Variants in NTM observed in about 807,000 individuals in gnomAD.
The protein encoded by NTM is neurotrimin.
NTM carries 13 observed loss-of-function variants against 42.1 expected under a neutral mutation model. That is an observed-to-expected ratio of 0.31 (90% CI 0.20 to 0.49). The LOEUF (loss-of-function observed/expected upper bound fraction) is 0.49, where lower values mean the gene tolerates loss of function less well. Ranked by LOEUF, NTM falls within the 20% of genes least tolerant of loss-of-function variation. NTM has a pLI of 0.99. For missense variants in NTM, 373 were observed against 452.8 expected, an observed-to-expected ratio of 0.82 and a Z score of 1.60; for synonymous variants, 187 against 179.2, an observed-to-expected ratio of 1.04 and a Z score of -0.35.
At chr11:132,279,786 T>C (rs1398995361) in intron 4 of NTM, among the ~76,000 whole-genome samples, 1 of 152,198 alleles carries the variant, frequency 6.6e-6, no homozygotes, top group Non-Finnish European at 1.5e-5. Context: ...AAGATCTCTG[T>C]AGATTTGTGG....
chr11:131,371,457 T>A (rs924745596), intron 1 of NTM, among the ~76,000 whole-genome samples: 3 of 152,154 alleles, frequency 2.0e-5, no homozygotes, highest in Non-Finnish European at 4.4e-5. Flanking sequence ...TTTAAATGTG[T>A]TCGGGGGTGT....
chr11:132,081,095 A>G (rs2058977805), intron 2 of NTM, among the ~76,000 whole-genome samples: 1 of 152,240 alleles, frequency 6.6e-6, no homozygotes, highest in Non-Finnish European at 1.5e-5. Context: ...TAAATGCTGT[A>G]GTCCCTCAAA....
At chr11:131,436,598 T>TA (rs1197969696) in intron 1 of NTM, among the ~76,000 whole-genome samples, 1 of 152,224 alleles carries the variant, frequency 6.6e-6, no homozygotes, top group Non-Finnish European at 1.5e-5. Context: ...TCTCTGATGG[T>TA]AGTTTGTATT....
At chr11:131,831,605 C>G (rs1186341510) in intron 1 of NTM, among the ~76,000 whole-genome samples, 2 of 152,146 alleles carry the variant, frequency 1.3e-5, no homozygotes, top group Non-Finnish European at 2.9e-5. Context: ...CTTAAAACTT[C>G]CCAGTCCCAA....
chr11:132,154,062 G>C (rs1190085815), intron 3 of NTM, among the ~76,000 whole-genome samples: 2 of 152,180 alleles, frequency 1.3e-5, no homozygotes, highest in African/African-American at 4.8e-5. Context: ...TGTATGTTGT[G>C]TTGGACGAAG....
At chr11:132,326,021 G>A (rs1038034834) in intron 7 of NTM, among the ~76,000 whole-genome samples, 17 of 151,524 alleles carry the variant, frequency 1.1e-4, no homozygotes, top group Admixed American at 2.0e-4. Context: ...CTGTTGTGGG[G>A]TGGGGGGACG....
intron 2 of NTM, among the ~76,000 whole-genome samples, chr11:131,972,471 A>G (rs2063700058): frequency 6.6e-6 from 1 of 152,202 alleles, no homozygotes; most frequent in Non-Finnish European, 1.5e-5. Context: ...ATAATAAAAA[A>G]TAATCTTAAT....
Position 132,031,020 on chromosome 11 carries a change from C to T in NTM, c.168-115262C>T, listed in dbSNP as rs921265845. ...CACCCAGACCTGGTTGATGGAACAC[C>T]AGGGCGCAAAATGACAAGCTAGCCA... is the stretch of plus-strand genomic sequence containing the variant. On this transcript the variant is annotated intron_variant, in intron 2 of 8. Transcript: ENST00000683400. Among the ~76,000 whole-genome samples, 6 of 152,124 alleles carry T rather than the reference C, an allele frequency of 3.9e-5. 1 individual carries two copies. The South Asian group carries it at 1.2e-3, about 32-fold the overall frequency.
intron 1 of NTM, among the ~76,000 whole-genome samples, chr11:131,781,291 A>G (rs1294304035): frequency 1.3e-5 from 2 of 152,116 alleles, no homozygotes; most frequent in African/African-American, 4.8e-5. Context: ...AAAAAAATTA[A>G]TGTAGAAAGC....
intron 2 of NTM, among the ~76,000 whole-genome samples, chr11:132,125,378 G>GGTGT (rs1397332753): frequency 3.6e-5 from 5 of 140,498 alleles, no homozygotes; most frequent in African/African-American, 1.3e-4. Flanking sequence ...ATGTGTGTGT[G>GGTGT]GTGGTGTATG....
chr11:131,412,253 A>C (rs1946501698), intron 1 of NTM, among the ~76,000 whole-genome samples: 1 of 152,192 alleles, frequency 6.6e-6, no homozygotes, highest in African/African-American at 2.4e-5. Flanking sequence ...ATCATGAAAC[A>C]ATGACGGACT....
intron 2 of NTM, among the ~76,000 whole-genome samples, chr11:132,099,270 A>T (rs2061370931): frequency 6.6e-6 from 1 of 152,232 alleles, no homozygotes; most frequent in African/African-American, 2.4e-5. Flanking sequence ...GCTGAGAATT[A>T]GAATCAGAGA....
chr11:131,924,655 G>C (rs1284995715), intron 2 of NTM, among the ~76,000 whole-genome samples: 2 of 124,652 alleles, frequency 1.6e-5, no homozygotes, highest in Non-Finnish European at 3.4e-5. Context: ...CCTGTGTCCT[G>C]TTTGGCGAGC....
chr11:132,016,071 G>A (rs370266576), intron 2 of NTM, among the ~76,000 whole-genome samples: 2 of 151,102 alleles, frequency 1.3e-5, no homozygotes, highest in Admixed American at 6.6e-5. Flanking sequence ...TATGGTCTTC[G>A]CTGTGTTTCT....
intron 1 of NTM, among the ~76,000 whole-genome samples, chr11:131,800,228 T>C (rs2091986644): frequency 6.6e-6 from 1 of 152,248 alleles, no homozygotes; most frequent in South Asian, 2.1e-4. Context: ...AAAGAAGTAA[T>C]TGCAATCCCC....
intron 2 of NTM, among the ~76,000 whole-genome samples, chr11:131,976,113 C>CTCCTTCCTTCCTTCCTTCCTTCCTTCCT (rs1329274388): frequency 1.5e-5 from 1 of 67,252 alleles, no homozygotes; most frequent in African/African-American, 5.6e-5. Flanking sequence ...CCCTCCCTCC[C>CTCCTTCCTTCCTTCCTTCCTTCCTTCCT]TCATTCCTTC....
intron 1 of NTM, among the ~76,000 whole-genome samples, chr11:131,758,154 A>G (rs1427170975): frequency 6.6e-6 from 1 of 152,160 alleles, no homozygotes; most frequent in African/African-American, 2.4e-5. Flanking sequence ...GTTTCACTCT[A>G]TCCTCGTCGG....
At chr11:132,095,630 G>T (rs1179919590) in intron 2 of NTM, among the ~76,000 whole-genome samples, 1 of 152,184 alleles carries the variant, frequency 6.6e-6, no homozygotes, top group Non-Finnish European at 1.5e-5. Flanking sequence ...TCAGTAGTCG[G>T]CATGCATGTC....
At chr11:132,115,898 G>A (rs2063822370) in intron 2 of NTM, among the ~76,000 whole-genome samples, 3 of 152,044 alleles carry the variant, frequency 2.0e-5, no homozygotes, top group Admixed American at 1.3e-4. Context: ...TCTCTATTGG[G>A]GCAAATAAGC....
Sources: gnomAD v4.1 joint callset for allele counts (sites outside exome capture counted in the v4.1 genomes callset) on GRCh38, gnomAD v4.1.1 for gene constraint, MANE v1.5 for transcripts, NCBI Gene and HGNC (gene_info 2026-07-23, HGNC 2026-07-21) for gene names.